Variants in ZFHX3 observed in about 807,000 individuals in gnomAD.
The protein encoded by ZFHX3 is zinc finger homeobox 3, also known as zinc finger homeobox protein 3.
In ZFHX3, 42 loss-of-function variants were observed where a neutral mutation model predicts 279.1. That is an observed-to-expected ratio of 0.15 (90% CI 0.12 to 0.19). The LOEUF (loss-of-function observed/expected upper bound fraction) is 0.19, where lower values mean the gene tolerates loss of function less well. Ranked by LOEUF, ZFHX3 falls within the 10% of genes least tolerant of loss-of-function variation. ZFHX3 has a pLI of 1.00. For synonymous variants in ZFHX3, 2,293 were observed against 1,957.8 expected, an observed-to-expected ratio of 1.17 and a Z score of -4.52; for missense variants, 4,981 against 4,754.0, an observed-to-expected ratio of 1.05 and a Z score of -1.40.
chr16:73,210,928 A>T lies in ZFHX3; in HGVS notation c.-1104+46119T>A, dbSNP rs184712652. On this transcript the variant is annotated intron_variant, in intron 5 of 17. Transcript: ENST00000641206. ...ACCATAGCCTTCCAATGATTGAATG[A>T]TGACTCATCATAGTCTTGTAAATTA... Among the ~76,000 whole-genome samples, 318 of 152,264 alleles carry T rather than the reference A, an allele frequency of 2.1e-3. 1 individual carries two copies. Among genetic ancestry groups the T allele is most frequent in the African/African-American group, 6.9e-3 (287 of 41,544 alleles).
chr16:73,394,540 G>A (rs992461600), intron 3 of ZFHX3, among the ~76,000 whole-genome samples: 16 of 152,114 alleles, frequency 1.1e-4, no homozygotes, highest in African/African-American at 2.4e-4. Flanking sequence ...CAAGTGATCC[G>A]CCTGCCTCGG....
At chr16:73,240,611 G>C (rs1279387352) in intron 5 of ZFHX3, among the ~76,000 whole-genome samples, 1 of 152,142 alleles carries the variant, frequency 6.6e-6, no homozygotes. Context: ...TATAGTATGA[G>C]AGATAAAACA....
Position 72,788,684 on chromosome 16 carries a change from G to C in ZFHX3, c.9592C>G (p.Gln3198Glu). ...TGTGGTTGCTGCTGCTGCTGCTGCT[G>C]CTGGGGGGGTTGCTGAGGGCCCATC... ...MAMGPQQPPQ[Q>E]QQQQQQPQVQ... Residue 3198 changes from glutamine to glutamate, a missense_variant, in exon 10 of 10, where the codon CAG becomes GAG. Coordinates refer to ENST00000268489, the MANE Select transcript of ZFHX3 (RefSeq NM_006885.4). 1 of 1,613,208 alleles carries C rather than the reference G, an allele frequency of 6.2e-7. No homozygotes were observed. The highest frequency in any genetic ancestry group is 1.1e-5 in the South Asian group (1 of 90,950).
At chr16:73,595,074 G>A (rs1255666977) in intron 2 of ZFHX3, among the ~76,000 whole-genome samples, 1 of 152,102 alleles carries the variant, frequency 6.6e-6, no homozygotes, top group Admixed American at 6.5e-5. Context: ...GCTTGCAAAA[G>A]CAGGAAAATG....
chr16:73,801,977 C>T (rs1328239552), intron 1 of ZFHX3, among the ~76,000 whole-genome samples: 1 of 152,140 alleles, frequency 6.6e-6, no homozygotes, highest in Admixed American at 6.5e-5. Flanking sequence ...GATCTCTCCT[C>T]GCCGTTAGAG....
At chr16:73,105,226 C>T (rs118140463) in intron 7 of ZFHX3, among the ~76,000 whole-genome samples, 4,323 of 148,372 alleles carry the variant, frequency 0.029, 115 homozygotes, top group South Asian at 0.14. Context: ...GGCAACACAG[C>T]GAGACACTGT....
chr16:73,566,006 T>C (rs762293064), intron 2 of ZFHX3, among the ~76,000 whole-genome samples: 2 of 152,182 alleles, frequency 1.3e-5, no homozygotes, highest in Non-Finnish European at 2.9e-5. Context: ...TGGATTTAGA[T>C]CCACCTGGGT....
intron 3 of ZFHX3, among the ~76,000 whole-genome samples, chr16:72,943,712 T>G (rs183524273): frequency 6.6e-6 from 1 of 152,214 alleles, no homozygotes; most frequent in East Asian, 1.9e-4. Flanking sequence ...TGGGGAAGGA[T>G]GACATGGCCA....
chr16:73,278,330 G>A (rs2014356174), intron 4 of ZFHX3, among the ~76,000 whole-genome samples: 1 of 152,206 alleles, frequency 6.6e-6, no homozygotes, highest in South Asian at 2.1e-4. Context: ...ATCCCAGCGT[G>A]CATGTTTTTG....
At chr16:72,851,431 T>C (rs576949003) in intron 4 of ZFHX3, among the ~76,000 whole-genome samples, 1 of 152,340 alleles carries the variant, frequency 6.6e-6, no homozygotes, top group South Asian at 2.1e-4. Flanking sequence ...TCTTGGGTTC[T>C]TGCAACGGCA....
chr16:73,835,616 A>T (rs1597136853), intron 1 of ZFHX3, among the ~76,000 whole-genome samples: 1 of 151,180 alleles, frequency 6.6e-6, no homozygotes, highest in Admixed American at 6.6e-5. Context: ...GATTACAGGC[A>T]CCCGCCACCA....
intron 8 of ZFHX3, among the ~76,000 whole-genome samples, chr16:73,087,328 C>G (rs138416750): frequency 6.6e-6 from 1 of 152,150 alleles, no homozygotes; most frequent in Non-Finnish European, 1.5e-5. Flanking sequence ...GGGAATGTGA[C>G]GTGAATATGA....
At chr16:72,864,111 C>T (rs2037954776) in intron 4 of ZFHX3, among the ~76,000 whole-genome samples, 1 of 151,962 alleles carries the variant, frequency 6.6e-6, no homozygotes, top group Non-Finnish European at 1.5e-5. Flanking sequence ...GAGCAAGACT[C>T]CATCTCGAAA....
chr16:73,580,741 T>C (rs74587212), intron 2 of ZFHX3, among the ~76,000 whole-genome samples: 12,892 of 151,740 alleles, frequency 0.085, 1,608 homozygotes, highest in African/African-American at 0.25. Context: ...TCCCCTGCCA[T>C]CTTTTATTTG....
chr16:73,558,000 C>G (rs1408468425), intron 2 of ZFHX3, among the ~76,000 whole-genome samples: 5 of 152,174 alleles, frequency 3.3e-5, no homozygotes, highest in Non-Finnish European at 2.9e-5. Context: ...CTCAGAAAAC[C>G]AAATTCCATC....
chr16:73,695,865 G>A (rs1242995610), intron 1 of ZFHX3, among the ~76,000 whole-genome samples: 1 of 152,054 alleles, frequency 6.6e-6, no homozygotes, highest in Non-Finnish European at 1.5e-5. Flanking sequence ...TCACACCCAG[G>A]CTCGGCAAGA....
chr16:72,790,379 T>TA (rs2035648602), intron 9 of ZFHX3: 2 of 152,156 alleles, frequency 1.3e-5, no homozygotes, highest in South Asian at 4.2e-4. Context: ...ATCAAAATCT[T>TA]ACTTCATCTG....
chr16:73,509,862 A>AT (rs2019397940), intron 2 of ZFHX3, among the ~76,000 whole-genome samples: 2 of 151,866 alleles, frequency 1.3e-5, no homozygotes, highest in African/African-American at 2.4e-5. Context: ...TGCCCGGCTG[A>AT]TTTTTGCATT....
chr16:73,845,467 G>T (rs118038432), intron 1 of ZFHX3, among the ~76,000 whole-genome samples: 2 of 151,862 alleles, frequency 1.3e-5, no homozygotes, highest in Non-Finnish European at 2.9e-5. Flanking sequence ...TTTGTGTCCA[G>T]TTATCTAGGT....
Sources: allele counts gnomAD v4.1 joint callset (sites outside exome capture counted in the v4.1 genomes callset), GRCh38; gene constraint gnomAD v4.1.1; transcripts MANE v1.5; gene names NCBI Gene and HGNC (gene_info 2026-07-23, HGNC 2026-07-21).